TMEM117: variants seen among roughly 807,000 people sequenced by gnomAD.
TMEM117 encodes the protein transmembrane protein 117.
A neutral mutation model predicts 52.4 loss-of-function variants in TMEM117; 27 were observed. The observed-to-expected ratio is 0.51, with a 90% confidence interval of 0.38 to 0.71. TMEM117 has a LOEUF of 0.71. Among genes scored for constraint, TMEM117 ranks in the 30% least tolerant of loss-of-function variants. The pLI is 0.00. For synonymous variants in TMEM117, 215 were observed against 206.3 expected (o/e 1.04, Z -0.36); for missense variants, 556 against 630.5 (o/e 0.88, Z 1.26).
chr12:44,361,030 C>A (rs1243284165), intron 6 of TMEM117, among the ~76,000 whole-genome samples: 1 of 152,110 alleles, frequency 6.6e-6, no homozygotes, highest in African/African-American at 2.4e-5. Context: ...TTTCACCACA[C>A]AGTCTAACAA....
At chr12:43,950,810 T>A (rs1945208393) in intron 3 of TMEM117, among the ~76,000 whole-genome samples, 1 of 152,206 alleles carries the variant, frequency 6.6e-6, no homozygotes, top group African/African-American at 2.4e-5. Flanking sequence ...AATTCTACTA[T>A]CAGTTTAATG....
intron 1 of TMEM117, among the ~76,000 whole-genome samples, chr12:43,836,953 G>A (rs988652834): frequency 6.6e-6 from 1 of 152,160 alleles, no homozygotes; most frequent in Non-Finnish European, 1.5e-5. Flanking sequence ...TCCAAGGAAG[G>A]ACTTCTAGGA....
intron 5 of TMEM117, among the ~76,000 whole-genome samples, chr12:44,270,101 A>G (rs1950428085): frequency 1.3e-5 from 2 of 152,136 alleles, no homozygotes; most frequent in African/African-American, 4.8e-5. Flanking sequence ...AACCTTCACA[A>G]CAAAACCATA....
intron 4 of TMEM117, among the ~76,000 whole-genome samples, chr12:44,183,061 T>G (rs1338337187): frequency 1.3e-5 from 2 of 152,156 alleles, no homozygotes; most frequent in African/African-American, 2.4e-5. Flanking sequence ...TACAGAGGCA[T>G]ATATGTAAAA....
intron 6 of TMEM117, among the ~76,000 whole-genome samples, chr12:44,305,948 A>G (rs1950897728): frequency 6.6e-6 from 1 of 152,248 alleles, no homozygotes. Context: ...CAGCCATGAA[A>G]AAGAATGAAA....
At chr12:44,324,328 T>G (rs1350237430) in intron 6 of TMEM117, among the ~76,000 whole-genome samples, 1 of 152,062 alleles carries the variant, frequency 6.6e-6, no homozygotes, top group African/African-American at 2.4e-5. Context: ...CCATCTTCAA[T>G]ATCATTACTA....
chr12:44,371,890 A>G (rs1055341163), intron 6 of TMEM117, among the ~76,000 whole-genome samples: 2 of 152,204 alleles, frequency 1.3e-5, no homozygotes, highest in African/African-American at 4.8e-5. Context: ...AACCATCCAT[A>G]TATGTAAAAA....
chr12:43,879,393 T>C (rs1278635345), intron 2 of TMEM117, among the ~76,000 whole-genome samples: 1 of 152,246 alleles, frequency 6.6e-6, no homozygotes, highest in African/African-American at 2.4e-5. Context: ...CATATGCAAC[T>C]CCATTGCTCC....
At chr12:44,316,680 G>T (rs1951058590) in intron 6 of TMEM117, among the ~76,000 whole-genome samples, 1 of 152,090 alleles carries the variant, frequency 6.6e-6, no homozygotes, top group African/African-American at 2.4e-5. Context: ...ATGTTTTCCA[G>T]ATTGTTTACT....
At chr12:43,882,368 G>A (rs1324070707) in intron 2 of TMEM117, among the ~76,000 whole-genome samples, 6 of 143,190 alleles carry the variant, frequency 4.2e-5, no homozygotes, top group African/African-American at 1.5e-4. Flanking sequence ...GCTGAGGCAG[G>A]AAAATCGCTT....
At chr12:44,390,866 C>T (rs73092511), downstream of TMEM117, among the ~76,000 whole-genome samples, 1 of 151,996 alleles carries the variant, frequency 6.6e-6, no homozygotes, top group Non-Finnish European at 1.5e-5. Flanking sequence ...ATGAAATAAA[C>T]TAAAAATTAA....
intron 3 of TMEM117, among the ~76,000 whole-genome samples, chr12:44,118,644 A>AGTAAGGATTTTTGTGTGTGT (rs1948185343): frequency 1.3e-5 from 2 of 152,194 alleles, no homozygotes; most frequent in African/African-American, 4.8e-5. Flanking sequence ...AATTGGTGAA[A>AGTAAGGATTTTTGTGTGTGT]GTAAGGATTT....
intron 5 of TMEM117, among the ~76,000 whole-genome samples, chr12:44,273,418 A>T (rs529564092): frequency 6.6e-6 from 1 of 151,782 alleles, no homozygotes; most frequent in African/African-American, 2.4e-5. Flanking sequence ...TAGTACTCAA[A>T]TTATTCTGAT....
chr12:44,204,754 C>T (rs542372366), intron 4 of TMEM117, among the ~76,000 whole-genome samples: 21 of 152,196 alleles, frequency 1.4e-4, no homozygotes, highest in African/African-American at 3.1e-4. Context: ...AACCATACAC[C>T]TACAACCATC....
intron 3 of TMEM117, among the ~76,000 whole-genome samples, chr12:44,136,766 G>A (rs1948497254): frequency 1.3e-5 from 2 of 152,160 alleles, no homozygotes; most frequent in African/African-American, 4.8e-5. Flanking sequence ...TACAGCATGT[G>A]TTGCAGAAAG....
chr12:43,961,175 A>G (rs1592395708), intron 3 of TMEM117, among the ~76,000 whole-genome samples: 1 of 152,204 alleles, frequency 6.6e-6, no homozygotes, highest in Non-Finnish European at 1.5e-5. Flanking sequence ...TGCCCACCAT[A>G]TAATGAACTC....
intron 3 of TMEM117, among the ~76,000 whole-genome samples, chr12:44,094,983 T>C (rs1056653978): frequency 6.6e-6 from 1 of 152,136 alleles, no homozygotes; most frequent in Non-Finnish European, 1.5e-5. Flanking sequence ...AATGTGATCC[T>C]ACCAGACTAA....
chr12:44,362,700 A>C (rs1951737008), intron 6 of TMEM117, among the ~76,000 whole-genome samples: 1 of 152,204 alleles, frequency 6.6e-6, no homozygotes, highest in Non-Finnish European at 1.5e-5. Context: ...GTTGGAAATC[A>C]AAGATAGTTA....
intron 6 of TMEM117, among the ~76,000 whole-genome samples, chr12:44,372,654 C>T (rs1951881318): frequency 6.6e-6 from 1 of 151,594 alleles, no homozygotes; most frequent in South Asian, 2.1e-4. Context: ...ATGGAACTGG[C>T]TTTTGGTGAT....
Sources: gnomAD v4.1 joint callset for allele counts (sites outside exome capture counted in the v4.1 genomes callset) on GRCh38, gnomAD v4.1.1 for gene constraint, MANE v1.5 for transcripts, NCBI Gene and HGNC (gene_info 2026-07-23, HGNC 2026-07-21) for gene names.